RNF168: variants seen among roughly 807,000 people sequenced by gnomAD.
RNF168 encodes the protein ring finger protein 168.
RNF168 carries 34 observed loss-of-function variants against 34.9 expected under a neutral mutation model. The ratio of observed to expected loss-of-function variants is 0.97; its 90% confidence interval spans 0.74 to 1.30. The LOEUF is 1.30. RNF168 is among the 50% of genes most tolerant of loss of function. The pLI is 0.00. For synonymous variants in RNF168, 264 were observed against 254.7 expected (o/e 1.04, Z -0.35); for missense variants, 725 against 682.5 (o/e 1.06, Z -0.69).
In RNF168 at chr3:196,471,013, A is replaced by G. The variant is rs1560264521; in HGVS notation, c.*806T>C. The G allele has an allele frequency of 8.6e-6, 1 of 116,594 alleles. No individual in the cohort carries two copies. The highest frequency in any genetic ancestry group is 3.6e-5 in the African/African-American group (1 of 27,424). 7.2% of individuals were successfully genotyped at this position (116,594 alleles called of 1,614,324 possible). A position where few individuals can be genotyped will look rare whatever the true frequency, so the allele number is the denominator to read the frequency against. On this transcript the variant is annotated 3_prime_UTR_variant, in exon 6 of 6. Transcript: ENST00000318037. ...GCCAACATGGTGAAATCCCATCTCT[A>G]CTAAAAGTACAAAAAAAAAAAAAAA...
chr3:196,483,194 A>C (rs778316590), intron 4 of RNF168, among the ~76,000 whole-genome samples: 27 of 152,012 alleles, frequency 1.8e-4, no homozygotes, highest in Non-Finnish European at 3.1e-4. Flanking sequence ...TCTTGGAAGG[A>C]GATGAGTTAC....
chr3:196,493,572 C>T (rs1053636675), intron 1 of RNF168, among the ~76,000 whole-genome samples: 2 of 152,130 alleles, frequency 1.3e-5, no homozygotes, highest in Admixed American at 1.3e-4. Flanking sequence ...GTTGCCCAGG[C>T]TGGAGTACAA....
At position 196,473,815 on chromosome 3, in the gene RNF168, T is replaced by TAAACA. The variant is rs937574708; in HGVS notation, c.763-1048_763-1044dup. Reference sequence around the variant, plus strand: ...GGACGATGGATTCTCTCTCAAAAAATAAACAAAACAAAACAAACAAGCAAA... The same window carrying TAAACA: ...GGACGATGGATTCTCTCTCAAAAAATAAACAAAACAAAACAAAACAAACAAGCAAA... On this transcript the variant is annotated intron_variant, in intron 5 of 5. Coordinates refer to ENST00000318037, the MANE Select transcript of RNF168 (RefSeq NM_152617.4). Among the ~76,000 whole-genome samples, 33 of 136,968 alleles carry TAAACA rather than the reference T, an allele frequency of 2.4e-4. 1 individual carries two copies. The South Asian group carries it at 4.8e-3, about 20-fold the overall frequency. The allele number at this position is 136,968 out of a possible 152,430, so 89.9% of individuals were successfully genotyped here.
intron 4 of RNF168, among the ~76,000 whole-genome samples, chr3:196,481,302 C>T (rs1268974468): frequency 1.3e-5 from 2 of 152,062 alleles, no homozygotes; most frequent in Non-Finnish European, 2.9e-5. Flanking sequence ...CGGGGCGTGG[C>T]GGCTCACTCC....
At position 196,503,409 on chromosome 3, in the gene RNF168, G is replaced by A. The variant is rs942046606; in HGVS notation, c.-236C>T. On this transcript the variant is annotated 5_prime_UTR_variant, in exon 1 of 6. It adds an upstream start codon to the 5' untranslated region. Coordinates refer to ENST00000318037, the MANE Select transcript of RNF168 (RefSeq NM_152617.4). Reference sequence around the variant, plus strand: ...GTCTTTGTCCATTTTCAAGGCAAACGTCCCGCCAGCAAATAAATGCAGGTT... The same window carrying A: ...GTCTTTGTCCATTTTCAAGGCAAACATCCCGCCAGCAAATAAATGCAGGTT... 2.0e-5 allele frequency: 11 copies of A among 556,492 alleles called. No individual in the cohort carries two copies. The highest frequency in any genetic ancestry group is 4.7e-4 in the Middle Eastern group (1 of 2,106). The allele number at this position is 556,492 out of a possible 1,614,324, so 34.5% of individuals were successfully genotyped here.
At chr3:196,490,976 G>C (rs1466839363) in intron 1 of RNF168, among the ~76,000 whole-genome samples, 1 of 152,202 alleles carries the variant, frequency 6.6e-6, no homozygotes, top group Non-Finnish European at 1.5e-5. Context: ...AGGTATCTGA[G>C]ACTTTTTTTC....
At chr3:196,486,894 C>T (rs1732440558) in intron 3 of RNF168, among the ~76,000 whole-genome samples, 1 of 152,160 alleles carries the variant, frequency 6.6e-6, no homozygotes, top group Non-Finnish European at 1.5e-5. Context: ...CATGGCAAAG[C>T]CCTGTCTCCA....
rs1187888220 is a variant in RNF168 at position 196,469,284 on chromosome 3, A to T, written c.*2535T>A. On this transcript the variant is annotated 3_prime_UTR_variant, in exon 6 of 6. Transcript: ENST00000318037. The stretch of plus-strand genomic sequence containing the variant: ...TTTATTTATTTTTACTTAACGACCC[A>T]TGTGATAGTATAGTTGCAAGCTATA... The T allele has an allele frequency of 2.6e-5, 4 of 152,222 alleles. No individual in the cohort carries two copies. The highest frequency in any genetic ancestry group is 5.9e-5 in the Non-Finnish European group (4 of 68,032). 9.4% of individuals were successfully genotyped at this position (152,222 alleles called of 1,614,324 possible). A position where few individuals can be genotyped will look rare whatever the true frequency, so the allele number is the denominator to read the frequency against.
intron 1 of RNF168, among the ~76,000 whole-genome samples, chr3:196,490,240 C>T (rs979572179): frequency 2.6e-5 from 4 of 152,058 alleles, no homozygotes; most frequent in African/African-American, 9.7e-5. Context: ...CAGAAAATAA[C>T]CTAAATGTGG....
At chr3:196,494,125 GGT>G (rs1216447441) in intron 1 of RNF168, among the ~76,000 whole-genome samples, 4 of 152,034 alleles carry the variant, frequency 2.6e-5, no homozygotes, top group African/African-American at 9.7e-5. Flanking sequence ...TGAGATTACA[GGT>G]GTGAGCCCCC....
At chr3:196,497,499 A>G (rs1208492417) in intron 1 of RNF168, among the ~76,000 whole-genome samples, 1 of 151,634 alleles carries the variant, frequency 6.6e-6, no homozygotes, top group African/African-American at 2.4e-5. Flanking sequence ...GTGAAGCCCC[A>G]TCTCTACAAA....
intron 4 of RNF168, among the ~76,000 whole-genome samples, chr3:196,475,960 A>G (rs1732139911): frequency 1.3e-5 from 2 of 149,742 alleles, no homozygotes; most frequent in Admixed American, 1.3e-4. Flanking sequence ...CCCGGGTTTA[A>G]GCGATTTTTC....
At chr3:196,475,771 C>T (rs1397206950) in intron 4 of RNF168, among the ~76,000 whole-genome samples, 4 of 151,456 alleles carry the variant, frequency 2.6e-5, no homozygotes, top group Non-Finnish European at 5.9e-5. Context: ...AGGATGGTCT[C>T]GATCTCCTGA....
At chr3:196,493,550 AG>A (rs1346510040) in intron 1 of RNF168, among the ~76,000 whole-genome samples, 1 of 150,952 alleles carries the variant, frequency 6.6e-6, no homozygotes, top group African/African-American at 2.4e-5. Context: ...TCTTTGACGG[AG>A]TTTCGCTCTT....
In RNF168 at chr3:196,483,765, C is replaced by T; in HGVS notation, c.680+5G>A. 6.2e-7 allele frequency: 1 copy of T among 1,610,450 alleles called. No individual in the cohort carries two copies. Among genetic ancestry groups the T allele is most frequent in the Non-Finnish European group, 8.5e-7 (1 of 1,176,830 alleles). ...AACAAATAATTCATAGTCATGTTCACTTACTTCTGAATATCTCCAGTGTTT... is the reference window on the plus strand; with the variant it reads ...AACAAATAATTCATAGTCATGTTCATTTACTTCTGAATATCTCCAGTGTTT... On this transcript the variant is annotated splice_donor_5th_base_variant and intron_variant, in intron 4 of 5. Transcript: ENST00000318037.
intron 4 of RNF168, among the ~76,000 whole-genome samples, chr3:196,476,780 A>C: frequency 7.0e-6 from 1 of 143,768 alleles, no homozygotes; most frequent in East Asian, 2.1e-4. Flanking sequence ...ACAGAGTCTC[A>C]CTCTGTCGCC....
At chr3:196,500,106 C>T (rs1359765215) in intron 1 of RNF168, among the ~76,000 whole-genome samples, 7 of 152,118 alleles carry the variant, frequency 4.6e-5, no homozygotes, top group Admixed American at 2.6e-4. Context: ...GTTTCCAAAA[C>T]CAATCACACA....
chr3:196,483,997 ATAGT>A (rs1732357990), intron 3 of RNF168, 106 bp from the exon 4 acceptor site: 3 of 871,988 alleles, frequency 3.4e-6, no homozygotes, highest in African/African-American at 3.3e-5. Context: ...TTCAGAAATT[ATAGT>A]TATATTTAAA....
At chr3:196,500,042 G>A (rs1312191323) in intron 1 of RNF168, among the ~76,000 whole-genome samples, 1 of 152,130 alleles carries the variant, frequency 6.6e-6, no homozygotes, top group Admixed American at 6.5e-5. Context: ...GGACACCCAC[G>A]CACTGTTGGT....
Sources: allele counts gnomAD v4.1 joint callset (sites outside exome capture counted in the v4.1 genomes callset), GRCh38; gene constraint gnomAD v4.1.1; transcripts MANE v1.5; gene names NCBI Gene and HGNC (gene_info 2026-07-23, HGNC 2026-07-21).